Variants in ATP2B1 observed in about 807,000 individuals in gnomAD.
ATP2B1 encodes plasma membrane calcium-transporting ATPase 1.
Under a neutral mutation model 124.2 loss-of-function variants are expected in ATP2B1, and 14 were observed. That is an observed-to-expected ratio of 0.11 (90% CI 0.07 to 0.18). The LOEUF is 0.18. Ranked by LOEUF, ATP2B1 falls within the 10% of genes least tolerant of loss-of-function variation. The probability of loss-of-function intolerance (pLI) is 1.00; values close to 1 mark genes in which losing one functional copy is unlikely to be tolerated. For synonymous variants in ATP2B1, 449 were observed against 492.4 expected, an observed-to-expected ratio of 0.91 and a Z score of 1.17; for missense variants, 763 against 1,466.1, an observed-to-expected ratio of 0.52 and a Z score of 7.83.
chr12:89,681,525 C>CTA (rs1889352693), intron 1 of ATP2B1, among the ~76,000 whole-genome samples: 1 of 151,896 alleles, frequency 6.6e-6, no homozygotes, highest in Non-Finnish European at 1.5e-5. Flanking sequence ...GGATTACAGA[C>CTA]GTGTACCACC....
chr12:89,702,379 A>G lies in ATP2B1; in HGVS notation c.-222+6217T>C, dbSNP rs139642928. Among the ~76,000 whole-genome samples, 1,470 of 152,316 alleles carry G rather than the reference A, an allele frequency of 9.7e-3. 33 individuals carry two copies. The highest frequency in any genetic ancestry group is 0.034 in the African/African-American group (1,429 of 41,570). Reference sequence around the variant, plus strand: ...TTTTAGTGAAGAAACTGTGGTTTAAAATAGGTTATTGAAAAACAAAAGAAA... The same window carrying G: ...TTTTAGTGAAGAAACTGTGGTTTAAGATAGGTTATTGAAAAACAAAAGAAA... On this transcript the variant is annotated intron_variant, in intron 1 of 20. Transcript: ENST00000428670.
chr12:89,599,422 G>T, intron 19 of ATP2B1, 123 bp from the exon 20 acceptor site: 1 of 1,015,664 alleles, frequency 9.8e-7, no homozygotes. Flanking sequence ...ATGAAGTAAT[G>T]GGATCCTGTT....
At chr12:89,660,075 A>T (rs1221345289) in intron 1 of ATP2B1, among the ~76,000 whole-genome samples, 1 of 152,190 alleles carries the variant, frequency 6.6e-6, no homozygotes, top group African/African-American at 2.4e-5. Flanking sequence ...TTAATATTGT[A>T]CATCAGCATG....
chr12:89,629,224 G>A (rs745656285), intron 6 of ATP2B1, among the ~76,000 whole-genome samples: 4 of 152,194 alleles, frequency 2.6e-5, no homozygotes, highest in Non-Finnish European at 5.9e-5. Flanking sequence ...TCTTGAGCCA[G>A]AGAAGAGGGT....
intron 1 of ATP2B1, among the ~76,000 whole-genome samples, chr12:89,695,531 T>G (rs1227710951): frequency 1.3e-5 from 2 of 152,174 alleles, no homozygotes; most frequent in Admixed American, 6.5e-5. Context: ...CACCTTTAAA[T>G]TTCCCTAGTT....
At chr12:89,677,146 C>T (rs950793130) in intron 1 of ATP2B1, among the ~76,000 whole-genome samples, 12 of 152,140 alleles carry the variant, frequency 7.9e-5, no homozygotes, top group African/African-American at 2.9e-4. Context: ...CAAGGATCAG[C>T]AGACAGAAGC....
intron 1 of ATP2B1, among the ~76,000 whole-genome samples, chr12:89,686,545 C>A (rs1365480927): frequency 6.6e-6 from 1 of 152,046 alleles, no homozygotes; most frequent in Admixed American, 6.6e-5. Flanking sequence ...CAAAAAATTT[C>A]CCAAGGAAAT....
At chr12:89,599,893 T>G (rs1292706758) in intron 19 of ATP2B1, among the ~76,000 whole-genome samples, 1 of 152,204 alleles carries the variant, frequency 6.6e-6, no homozygotes, top group African/African-American at 2.4e-5. Flanking sequence ...TATTAGCTTA[T>G]GTGTTAACAT....
chr12:89,686,427 T>G (rs949146096), intron 1 of ATP2B1, among the ~76,000 whole-genome samples: 1 of 152,156 alleles, frequency 6.6e-6, no homozygotes, highest in Non-Finnish European at 1.5e-5. Context: ...GATACTGATA[T>G]GCTTTTGCGT....
At chr12:89,663,069 A>G (rs1886890377) in intron 1 of ATP2B1, among the ~76,000 whole-genome samples, 1 of 152,236 alleles carries the variant, frequency 6.6e-6, no homozygotes, top group African/African-American at 2.4e-5. Context: ...TCTGGAACAT[A>G]GTAGGTACTC....
intron 12 of ATP2B1, among the ~76,000 whole-genome samples, chr12:89,614,614 T>G (rs1434433214): frequency 6.6e-6 from 1 of 152,158 alleles, no homozygotes; most frequent in Non-Finnish European, 1.5e-5. Flanking sequence ...TGTGGCAACC[T>G]CTTAGTCATA....
intron 1 of ATP2B1, among the ~76,000 whole-genome samples, chr12:89,658,033 A>G (rs1020951436): frequency 6.6e-6 from 1 of 152,224 alleles, no homozygotes; most frequent in Non-Finnish European, 1.5e-5. Flanking sequence ...ATCAATTATA[A>G]TAATAATCCA....
At chr12:89,673,150 T>C (rs1045300327) in intron 1 of ATP2B1, among the ~76,000 whole-genome samples, 2 of 152,208 alleles carry the variant, frequency 1.3e-5, no homozygotes, top group South Asian at 4.1e-4. Context: ...AGTATGTTAA[T>C]AGTTGTGCTG....
intron 2 of ATP2B1, among the ~76,000 whole-genome samples, chr12:89,642,685 ACCTCTGCCTC>A (rs1436763982): frequency 2.6e-5 from 4 of 151,280 alleles, no homozygotes; most frequent in African/African-American, 9.6e-5. Context: ...GCTCACTGCA[ACCTCTGCCTC>A]CCAGGTTCAA....
chr12:89,634,735 T>G, intron 5 of ATP2B1, 43 bp downstream of exon 5: 1 of 1,514,644 alleles, frequency 6.6e-7, no homozygotes. Flanking sequence ...GGTACATAGT[T>G]GCGAAAGAGG....
chr12:89,616,774 A>G, intron 12 of ATP2B1, 28 bp downstream of exon 12: 2 of 1,586,248 alleles, frequency 1.3e-6, no homozygotes, highest in Non-Finnish European at 1.7e-6. Flanking sequence ...GAGATTCTGC[A>G]CATGCAGAAC....
At chr12:89,675,357 C>A (rs775225706) in intron 1 of ATP2B1, among the ~76,000 whole-genome samples, 2 of 152,138 alleles carry the variant, frequency 1.3e-5, no homozygotes, top group Non-Finnish European at 2.9e-5. Flanking sequence ...TAAATGTCAA[C>A]TTACGTCTTT....
chr12:89,613,882 A>G (rs978607165), intron 12 of ATP2B1, among the ~76,000 whole-genome samples: 3 of 152,188 alleles, frequency 2.0e-5, no homozygotes, highest in Non-Finnish European at 4.4e-5. Context: ...TAAAAACTGG[A>G]TTTGTTCTAG....
intron 3 of ATP2B1, among the ~76,000 whole-genome samples, chr12:89,641,497 C>T (rs1883495972): frequency 6.6e-6 from 1 of 152,010 alleles, no homozygotes; most frequent in African/African-American, 2.4e-5. Context: ...ATACACATAG[C>T]CTAAAAGTAA....
Sources: gnomAD v4.1 joint callset for allele counts (sites outside exome capture counted in the v4.1 genomes callset) on GRCh38, gnomAD v4.1.1 for gene constraint, MANE v1.5 for transcripts, NCBI Gene and HGNC (gene_info 2026-07-23, HGNC 2026-07-21) for gene names.